MTSS1: variants seen among roughly 807,000 people sequenced by gnomAD.
MTSS1 encodes protein MTSS 1.
In MTSS1, 18 loss-of-function variants were observed where a neutral mutation model predicts 79.0. The observed-to-expected ratio is 0.23, with a 90% CI of 0.16 to 0.34. The LOEUF (loss-of-function observed/expected upper bound fraction) is 0.34, where lower values mean the gene tolerates loss of function less well. MTSS1 is among the 10% of genes least tolerant of loss of function. MTSS1 has a pLI of 1.00. For synonymous variants in MTSS1, 341 were observed against 368.6 expected (o/e 0.93, Z 0.86); for missense variants, 815 against 986.2 (o/e 0.83, Z 2.33).
At chr8:124,565,867 G>A in intron 8 of MTSS1, 108 bp from the exon 9 acceptor site, 2 of 875,210 alleles carry the variant, frequency 2.3e-6, no homozygotes, top group Non-Finnish European at 1.7e-6. Flanking sequence ...GTGGGGGTGG[G>A]AATGAAAGCA....
intron 12 of MTSS1, 74 bp downstream of exon 12, chr8:124,556,158 C>T: frequency 6.2e-7 from 1 of 1,604,102 alleles, no homozygotes; most frequent in Non-Finnish European, 8.5e-7. Flanking sequence ...CTTGGCCCCC[C>T]AGTTGCTGGC....
At chr8:124,621,714 A>C (rs763319482) in intron 3 of MTSS1, among the ~76,000 whole-genome samples, 6 of 151,976 alleles carry the variant, frequency 3.9e-5, no homozygotes, top group Admixed American at 3.9e-4. Flanking sequence ...ACACCTAGCT[A>C]GTTTTTGTAT....
At chr8:124,703,321 T>C (rs1273679100) in intron 2 of MTSS1, among the ~76,000 whole-genome samples, 1 of 152,256 alleles carries the variant, frequency 6.6e-6, no homozygotes, top group African/African-American at 2.4e-5. Flanking sequence ...AGGTGGACTC[T>C]TGCTCTTGTC....
At chr8:124,591,086 T>C (rs1217833847) in intron 4 of MTSS1, 65 bp downstream of exon 4, 4 of 1,341,904 alleles carry the variant, frequency 3.0e-6, no homozygotes, top group Non-Finnish European at 4.3e-6. Context: ...GTGCCACACA[T>C]GACTGCTTCC....
At chr8:124,646,995 G>A (rs938718127) in intron 3 of MTSS1, among the ~76,000 whole-genome samples, 2 of 152,178 alleles carry the variant, frequency 1.3e-5, no homozygotes, top group East Asian at 3.9e-4. Flanking sequence ...ACAGGCATGT[G>A]CCACCATACC....
intron 3 of MTSS1, among the ~76,000 whole-genome samples, chr8:124,671,462 C>G (rs1353268031): frequency 6.6e-6 from 1 of 152,164 alleles, no homozygotes; most frequent in East Asian, 1.9e-4. Context: ...TCACGAAGCC[C>G]CCTTCACTAG....
intron 7 of MTSS1, among the ~76,000 whole-genome samples, chr8:124,567,419 A>G (rs1355735553): frequency 6.6e-6 from 1 of 152,240 alleles, no homozygotes; most frequent in Non-Finnish European, 1.5e-5. Flanking sequence ...GGGAACACAC[A>G]GGCCTCCCTC....
chr8:124,721,146 C>G (rs12547466), intron 1 of MTSS1, among the ~76,000 whole-genome samples: 12,513 of 152,196 alleles, frequency 0.082, 796 homozygotes, highest in Admixed American at 0.21. Context: ...CTGTTCCGTA[C>G]GGTAGCTACT....
chr8:124,626,490 C>A (rs558979352), intron 3 of MTSS1, among the ~76,000 whole-genome samples: 2 of 152,012 alleles, frequency 1.3e-5, no homozygotes, highest in African/African-American at 4.8e-5. Flanking sequence ...AATAAAAAAA[C>A]CAAACATGAT....
At chr8:124,646,273 C>T (rs1014146244) in intron 3 of MTSS1, among the ~76,000 whole-genome samples, 3 of 152,178 alleles carry the variant, frequency 2.0e-5, no homozygotes, top group African/African-American at 4.8e-5. Flanking sequence ...TCATCTTTAG[C>T]CAGTTACATA....
At position 124,683,164 on chromosome 8, in the gene MTSS1, AAAAG is replaced by A. The variant is rs1159835499; in HGVS notation, c.208+16358_208+16361del. Among the ~76,000 whole-genome samples the A allele has an allele frequency of 6.6e-6, 1 of 152,110 alleles. No homozygotes were observed. Among genetic ancestry groups the A allele is most frequent in the Non-Finnish European group, 1.5e-5 (1 of 68,036 alleles). ...ACTTCCATTTAAAGTAAGCAAAAAA[AAAAG>A]AAAAAAAGTTTCTTATACACAAATG... On this transcript the variant is annotated intron_variant, in intron 3 of 13. Transcript: ENST00000518547. The surrounding 1 kb of genome is among the most constrained non-coding windows in gnomAD (Gnocchi z 4.5).
At chr8:124,663,098 G>C (rs1012653804) in intron 3 of MTSS1, among the ~76,000 whole-genome samples, 1 of 152,176 alleles carries the variant, frequency 6.6e-6, no homozygotes, top group African/African-American at 2.4e-5. Flanking sequence ...TGCCTGGCTG[G>C]GTTCTGGAGC....
At chr8:124,562,555 G>A (rs531474084) in intron 10 of MTSS1, among the ~76,000 whole-genome samples, 4 of 152,116 alleles carry the variant, frequency 2.6e-5, no homozygotes, top group Non-Finnish European at 5.9e-5. Flanking sequence ...TCCCCAAATC[G>A]ATGTGGTAAT....
chr8:124,609,125 G>C (rs1045147779), intron 3 of MTSS1, among the ~76,000 whole-genome samples: 2 of 152,204 alleles, frequency 1.3e-5, no homozygotes, highest in African/African-American at 4.8e-5. Flanking sequence ...ACCACACAGA[G>C]CCCCTGCCAG....
intron 1 of MTSS1, among the ~76,000 whole-genome samples, chr8:124,714,258 A>T (rs1156485364): frequency 6.6e-6 from 1 of 152,148 alleles, no homozygotes; most frequent in African/African-American, 2.4e-5. Context: ...GAGAGTACAG[A>T]GGTCTTTCAA....
rs533669502 is a variant in MTSS1 at position 124,582,581 on chromosome 8, G to C, written c.460+2506C>G. Among the ~76,000 whole-genome samples, 3 of 152,142 alleles carry C rather than the reference G, an allele frequency of 2.0e-5. No individual in the cohort carries two copies. The highest frequency in any genetic ancestry group is 7.2e-5 in the African/African-American group (3 of 41,500). On this transcript the variant is annotated intron_variant, in intron 6 of 13. Coordinates refer to ENST00000518547, the MANE Select transcript of MTSS1 (RefSeq NM_014751.6). The surrounding 1 kb of genome is among the most constrained non-coding windows in gnomAD (Gnocchi z 4.8). ...CTCCTGGAAACATATTAAAAAGGAAGTGATTATCTGGCTGCATACATCAGA... is the reference window on the plus strand; with the variant it reads ...CTCCTGGAAACATATTAAAAAGGAACTGATTATCTGGCTGCATACATCAGA...
chr8:124,577,662 C>A, intron 6 of MTSS1: 1 of 517,152 alleles, frequency 1.9e-6, no homozygotes, highest in Admixed American at 1.9e-5. Context: ...CAGAAGGGGT[C>A]TGGCTGTGCC....
chr8:124,702,960 G>A (rs1587890290), intron 2 of MTSS1, among the ~76,000 whole-genome samples: 1 of 152,164 alleles, frequency 6.6e-6, no homozygotes, highest in Non-Finnish European at 1.5e-5. Flanking sequence ...GAACAAGCAC[G>A]AGACTAGGCA....
intron 3 of MTSS1, among the ~76,000 whole-genome samples, chr8:124,635,786 C>T (rs1816867026): frequency 6.6e-6 from 1 of 151,970 alleles, no homozygotes; most frequent in Non-Finnish European, 1.5e-5. Flanking sequence ...TAGATGGAAT[C>T]AACTATATTT....
Sources: allele counts gnomAD v4.1 joint callset (sites outside exome capture counted in the v4.1 genomes callset), GRCh38; gene constraint gnomAD v4.1.1; non-coding constraint Gnocchi (gnomAD v3.1); transcripts MANE v1.5; gene names NCBI Gene and HGNC (gene_info 2026-07-23, HGNC 2026-07-21).